C14orf39: variants seen among roughly 807,000 people sequenced by gnomAD.
C14orf39 encodes protein SIX6OS1.
In C14orf39, 66 loss-of-function variants were observed where a neutral mutation model predicts 85.6. That is an observed-to-expected ratio of 0.77 (90% CI 0.63 to 0.95). C14orf39 has a LOEUF of 0.95. C14orf39 is among the 40% of genes least tolerant of loss of function. The pLI, the probability that C14orf39 is intolerant of heterozygous loss-of-function variation, is 0.00. For missense variants in C14orf39, 735 were observed against 663.9 expected (o/e 1.11, Z -1.18); for synonymous variants, 242 against 214.0 (o/e 1.13, Z -1.14).
chr14:60,466,870 T>C, intron 10 of C14orf39, 47 bp downstream of exon 10: 1 of 1,407,262 alleles, frequency 7.1e-7, no homozygotes, highest in Non-Finnish European at 9.3e-7. Context: ...TTCTTCTGTG[T>C]GTTTGCAAAA....
At chr14:60,469,900 T>C (rs1283927849) in intron 7 of C14orf39, among the ~76,000 whole-genome samples, 1 of 150,906 alleles carries the variant, frequency 6.6e-6, no homozygotes, top group Admixed American at 6.7e-5. Context: ...TTTGTTAGGA[T>C]TATTTCAGTT....
intron 5 of C14orf39, among the ~76,000 whole-genome samples, chr14:60,472,607 T>C (rs148283437): frequency 2.0e-3 from 298 of 152,240 alleles, no homozygotes; most frequent in African/African-American, 6.6e-3. Context: ...TGTGTCCATG[T>C]GTTCTCATTG....
At chr14:60,473,267 T>C (rs549707762) in intron 5 of C14orf39, among the ~76,000 whole-genome samples, 1 of 152,322 alleles carries the variant, frequency 6.6e-6, no homozygotes, top group African/African-American at 2.4e-5. Context: ...TTTTTTCTTA[T>C]AAATTTGTTT....
upstream of C14orf39, among the ~76,000 whole-genome samples, chr14:60,490,159 T>G (rs187055824): frequency 9.2e-5 from 14 of 152,342 alleles, no homozygotes. Context: ...TTTTTTCATC[T>G]GTACTCCATG....
At chr14:60,481,085 A>G (rs2140154115) in intron 4 of C14orf39, among the ~76,000 whole-genome samples, 1 of 152,330 alleles carries the variant, frequency 6.6e-6, no homozygotes, top group East Asian at 1.9e-4. Flanking sequence ...TATTTCGAAT[A>G]TGCTAGAAAA....
At position 60,515,217 on chromosome 14, in the gene C14orf39, CGG is replaced by C. The variant is rs1458204706; in HGVS notation, c.-144+176_-144+177del. ...TGCTGGGAAATGGCGGCTGGAGCGG[CGG>C]GCGCGTGGGTCCCCTCGGGGAGGCG... On this transcript the variant is annotated intron_variant, in intron 1 of 5. Coordinates refer to the C14orf39 transcript ENST00000556799. The surrounding 1 kb of genome is among the most constrained non-coding windows in gnomAD (Gnocchi z 6.2). 1 of 151,506 alleles carries C rather than the reference CGG, an allele frequency of 6.6e-6. No individual in the cohort carries two copies. The highest frequency in any genetic ancestry group is 1.5e-5 in the Non-Finnish European group (1 of 67,614). 9.4% of individuals were successfully genotyped at this position (151,506 alleles called of 1,614,324 possible).
At chr14:60,473,146 C>T (rs985299182) in intron 5 of C14orf39, among the ~76,000 whole-genome samples, 25 of 152,162 alleles carry the variant, frequency 1.6e-4, no homozygotes, top group East Asian at 3.9e-4. Context: ...TTCATTTCTC[C>T]GATGGCCAGT....
chr14:60,464,326 T>C (rs931947897), intron 11 of C14orf39, among the ~76,000 whole-genome samples: 9 of 152,158 alleles, frequency 5.9e-5, no homozygotes, highest in African/African-American at 1.9e-4. Flanking sequence ...TAGAATTTTA[T>C]GGCAAGTAAG....
upstream of C14orf39, among the ~76,000 whole-genome samples, chr14:60,489,780 G>A (rs1566685819): frequency 6.6e-6 from 1 of 152,174 alleles, no homozygotes; most frequent in Non-Finnish European, 1.5e-5. Flanking sequence ...ATGAAAGAGA[G>A]AGAATCTTCC....
At chr14:60,487,593 G>A (rs1272367770), upstream of C14orf39, among the ~76,000 whole-genome samples, 2 of 152,104 alleles carry the variant, frequency 1.3e-5, no homozygotes, top group African/African-American at 4.8e-5. Flanking sequence ...GTGAACATGA[G>A]AGCACAGACA....
intron 1 of C14orf39, among the ~76,000 whole-genome samples, 152 bp downstream of exon 1, chr14:60,485,793 C>G (rs1322806327): frequency 1.2e-4 from 18 of 152,076 alleles, no homozygotes; most frequent in Admixed American, 5.9e-4. Context: ...GCCGCGCCCT[C>G]AGCCTCGGGC....
At chr14:60,492,635 T>C (rs1893008015) in intron 2 of C14orf39, among the ~76,000 whole-genome samples, 1 of 151,426 alleles carries the variant, frequency 6.6e-6, no homozygotes, top group Non-Finnish European at 1.5e-5. Flanking sequence ...AATAAAAAAT[T>C]AGCTGTGTGT....
upstream of C14orf39, among the ~76,000 whole-genome samples, chr14:60,487,145 C>T (rs1418159508): frequency 6.6e-6 from 1 of 152,158 alleles, no homozygotes; most frequent in Non-Finnish European, 1.5e-5. Context: ...AAGATCTACT[C>T]TCTTAGCAAG....
intron 16 of C14orf39, among the ~76,000 whole-genome samples, chr14:60,453,510 C>G (rs1267741948): frequency 6.6e-6 from 1 of 150,464 alleles, no homozygotes; most frequent in East Asian, 1.9e-4. Context: ...TTCTTACAAT[C>G]TTTGTCTTTT....
chr14:60,466,875 G>C (rs368412003), intron 10 of C14orf39, 42 bp downstream of exon 10: 9 of 1,417,540 alleles, frequency 6.3e-6, no homozygotes, highest in South Asian at 1.6e-5. Context: ...CTGTGTGTTT[G>C]CAAAAAAAAT....
intron 1 of C14orf39, chr14:60,508,953 C>G: frequency 5.3e-6 from 1 of 188,066 alleles, no homozygotes; most frequent in Non-Finnish European, 1.1e-5. Flanking sequence ...TTCTCCCAGA[C>G]ACTCGCATGT....
At position 60,471,776 on chromosome 14, in the gene C14orf39, C is replaced by A. The variant is rs780226220; in HGVS notation, c.324-37G>T. Reference sequence around the variant, plus strand: ...AAAAGAAATGATGTTTATATAACAACAACAGATCTAAAAACTTTGTGAATA... The same window carrying A: ...AAAAGAAATGATGTTTATATAACAAAAACAGATCTAAAAACTTTGTGAATA... On this transcript the variant is annotated intron_variant, in intron 5 of 17. Coordinates refer to ENST00000321731, the MANE Select transcript of C14orf39 (RefSeq NM_174978.3). 9 of 1,265,000 alleles carry A rather than the reference C, an allele frequency of 7.1e-6. No individual in the cohort carries two copies. In the South Asian group the frequency reaches 1.1e-4, roughly 15 times the overall value. The allele number at this position is 1,265,000 out of a possible 1,614,324, so 78.4% of individuals were successfully genotyped here.
intron 11 of C14orf39, among the ~76,000 whole-genome samples, chr14:60,462,316 G>A (rs1175489021): frequency 1.2e-4 from 18 of 152,052 alleles, no homozygotes; most frequent in Admixed American, 1.2e-3. Flanking sequence ...TTGAGCCCAG[G>A]ATTTCAAGGC....
intron 5 of C14orf39, among the ~76,000 whole-genome samples, chr14:60,476,807 G>T (rs968949960): frequency 3.9e-5 from 6 of 152,122 alleles, no homozygotes; most frequent in African/African-American, 1.4e-4. Flanking sequence ...AGAGGACCCA[G>T]AGGAGAAATT....
Sources: allele counts gnomAD v4.1 joint callset (sites outside exome capture counted in the v4.1 genomes callset), GRCh38; gene constraint gnomAD v4.1.1; non-coding constraint Gnocchi (gnomAD v3.1); transcripts MANE v1.5; gene names NCBI Gene and HGNC (gene_info 2026-07-23, HGNC 2026-07-21).